ARHGAP21: variants seen among roughly 807,000 people sequenced by gnomAD.
ARHGAP21 encodes Rho GTPase activating protein 21.
In ARHGAP21, 38 loss-of-function variants were observed where a neutral mutation model predicts 164.6. The ratio of observed to expected loss-of-function variants is 0.23; its 90% CI spans 0.18 to 0.30. The LOEUF is 0.30. Ranked by LOEUF, ARHGAP21 falls within the 10% of genes least tolerant of loss-of-function variation. The pLI is 1.00. For synonymous variants in ARHGAP21, 766 were observed against 857.9 expected (o/e 0.89, Z 1.87); for missense variants, 1,822 against 2,370.7 (o/e 0.77, Z 4.81).
chr10:24,618,922 G>T lies in ARHGAP21; in HGVS notation c.2422+551C>A, dbSNP rs74122840. ...GATCTGGGGTGGGAGGGAGCAGACA[G>T]AAGACTCAACAGGACAGGTGCCGGC... On this transcript the variant is annotated intron_variant, in intron 9 of 25. Coordinates refer to ENST00000396432, the MANE Select transcript of ARHGAP21 (RefSeq NM_020824.4). 6.1e-3 allele frequency among the ~76,000 whole-genome samples: 936 copies of T among 152,286 alleles called. 11 individuals are homozygous for T. Among genetic ancestry groups the T allele is most frequent in the African/African-American group, 0.021 (872 of 41,560 alleles).
At chr10:24,613,810 C>T (rs1360674151) in intron 9 of ARHGAP21, among the ~76,000 whole-genome samples, 4 of 152,302 alleles carry the variant, frequency 2.6e-5, no homozygotes, top group East Asian at 1.9e-4. Flanking sequence ...TGCACCAGGT[C>T]AGCACAGCAA....
intron 11 of ARHGAP21, among the ~76,000 whole-genome samples, chr10:24,605,185 G>A (rs1170137327): frequency 1.3e-5 from 2 of 152,092 alleles, no homozygotes; most frequent in African/African-American, 4.8e-5. Flanking sequence ...AGTAAACAAT[G>A]GATACGGGAA....
At chr10:24,691,352 C>T (rs1842751146) in intron 2 of ARHGAP21, among the ~76,000 whole-genome samples, 1 of 152,204 alleles carries the variant, frequency 6.6e-6, no homozygotes, top group Non-Finnish European at 1.5e-5. Context: ...AGACATGGAG[C>T]AATGAGGCTG....
rs1437274486 is a variant in ARHGAP21 at position 24,597,638 on chromosome 10, G to A, written c.3198-55C>T. 4.4e-6 allele frequency: 7 copies of A among 1,598,434 alleles called. No homozygotes were observed. In the African/African-American group the frequency reaches 5.4e-5, roughly 12 times the overall value. ...TTACAGTAATCCCCCTCTATCTATGGTTTCAGTTACCCGTGGTGAGCCATG... is the reference window on the plus strand; with the variant it reads ...TTACAGTAATCCCCCTCTATCTATGATTTCAGTTACCCGTGGTGAGCCATG... On this transcript the variant is annotated intron_variant, in intron 15 of 25. Transcript: ENST00000396432.
At chr10:24,666,615 T>G (rs1215465980) in intron 4 of ARHGAP21, among the ~76,000 whole-genome samples, 3 of 152,226 alleles carry the variant, frequency 2.0e-5, no homozygotes, top group Non-Finnish European at 4.4e-5. Context: ...CTTTTCAATA[T>G]TTGACTCAAT....
Position 24,595,140 on chromosome 10 carries a change from G to A in ARHGAP21, c.3763C>T (p.Arg1255Cys). The A allele has an allele frequency of 3.1e-6, 5 of 1,610,366 alleles. No homozygotes were observed. The highest frequency in any genetic ancestry group is 4.2e-6 in the Non-Finnish European group (5 of 1,178,856). Residue 1255 changes from arginine (R) to cysteine (C), a missense_variant, in exon 20 of 26, where the codon CGT becomes TGT. By Grantham distance (180) the Arg-to-Cys change is radical (BLOSUM62 -3). Around this residue, in one of 5 missense-constraint regions of ARHGAP21, gnomAD observed 117 missense variants for 238.1 expected, o/e 0.49. Transcript: ENST00000396432. Reference protein sequence around the residue: ...EANRKEDPLDRLKTLKRLIHD... With the variant: ...EANRKEDPLDCLKTLKRLIHD... The stretch of plus-strand genomic sequence containing the variant: ...ACTAGTCTTTTTAATGTTTTCAGAC[G>A]ATCTAGAGGATCTTCTTTACGATTG...
chr10:24,585,137 G>A lies in ARHGAP21; in HGVS notation c.5152C>T (p.Leu1718=). Residue 1718 remains leucine (L), a synonymous_variant, in exon 26 of 26, where the codon CTA becomes TTA. Coordinates refer to ENST00000396432, the MANE Select transcript of ARHGAP21 (RefSeq NM_020824.4). ...TCTTTCTCATTCTTGGCATCTCCTAGACTTCCACTATCTGACTTGAATCTA... is the reference window on the plus strand; with the variant it reads ...TCTTTCTCATTCTTGGCATCTCCTAAACTTCCACTATCTGACTTGAATCTA... ...SARFKSDSGS[L]GDAKNEKEAP... is the part of the protein sequence containing the mutation. 2.5e-6 allele frequency: 4 copies of A among 1,612,786 alleles called. No homozygotes were observed. The highest frequency in any genetic ancestry group is 3.4e-6 in the Non-Finnish European group (4 of 1,179,752).
chr10:24,694,877 C>A (rs1052327034), intron 2 of ARHGAP21, among the ~76,000 whole-genome samples: 1 of 151,730 alleles, frequency 6.6e-6, no homozygotes, highest in Non-Finnish European at 1.5e-5. Flanking sequence ...ATGGTTAAAC[C>A]CTGTCTCTAC....
chr10:24,611,642 T>G (rs974270683), intron 9 of ARHGAP21, among the ~76,000 whole-genome samples: 3 of 151,150 alleles, frequency 2.0e-5, no homozygotes, highest in Non-Finnish European at 4.4e-5. Flanking sequence ...AGGTGGAGGC[T>G]GCAGTGAAGC....
intron 4 of ARHGAP21, among the ~76,000 whole-genome samples, chr10:24,645,863 A>G (rs1007371980): frequency 6.6e-6 from 1 of 152,156 alleles, no homozygotes; most frequent in Non-Finnish European, 1.5e-5. Flanking sequence ...ACTGCAATGG[A>G]GAACAATAAG....
At chr10:24,712,475 C>T (rs899445316) in intron 2 of ARHGAP21, among the ~76,000 whole-genome samples, 16 of 152,314 alleles carry the variant, frequency 1.1e-4, no homozygotes, top group Non-Finnish European at 1.8e-4. Flanking sequence ...TGCATATAAC[C>T]TAACACACCT....
intron 4 of ARHGAP21, chr10:24,648,685 CAGG>C (rs1349433906): frequency 1.8e-5 from 9 of 486,952 alleles, no homozygotes; most frequent in South Asian, 8.9e-5. Flanking sequence ...GAGGCTGAGG[CAGG>C]AGAATTGCTT....
In ARHGAP21 at chr10:24,588,907, A is replaced by C. The variant is rs560784489; in HGVS notation, c.4182+364T>G. On this transcript the variant is annotated intron_variant, in intron 25 of 25. Transcript: ENST00000396432. ...AGAGGGAGGGAAGCAGGTGGCGTAC[A>C]GAGCAAACGGAGTCGGCCGAGTGCT... Among the ~76,000 whole-genome samples, 9 of 152,358 alleles carry C rather than the reference A, an allele frequency of 5.9e-5. No individual in the cohort carries two copies. In the East Asian group the frequency reaches 1.7e-3, roughly 29 times the overall value.
At chr10:24,676,922 G>A (rs1479385501) in intron 2 of ARHGAP21, among the ~76,000 whole-genome samples, 1 of 152,040 alleles carries the variant, frequency 6.6e-6, no homozygotes, top group Non-Finnish European at 1.5e-5. Flanking sequence ...ATTAACTCCG[G>A]GCCAGGCACA....
Position 24,585,927 on chromosome 10 carries a change from A to G in ARHGAP21, c.4362T>C (p.Thr1454=), listed in dbSNP as rs1399729189. 2.5e-6 allele frequency: 4 copies of G among 1,613,836 alleles called. No homozygotes were observed. Among genetic ancestry groups the G allele is most frequent in the Non-Finnish European group, 3.4e-6 (4 of 1,179,976 alleles). Residue 1454 remains threonine, a synonymous_variant, in exon 26 of 26, where the codon ACT becomes ACC. Coordinates refer to ENST00000396432, the MANE Select transcript of ARHGAP21 (RefSeq NM_020824.4). ...KENVEQCHND[T]KEESKKESET... Reference sequence around the variant, plus strand: ...CACTTTCTTTTTTGGACTCCTCTTTAGTATCATTGTGACACTGTTCCACAT... The same window carrying G: ...CACTTTCTTTTTTGGACTCCTCTTTGGTATCATTGTGACACTGTTCCACAT...
At position 24,612,856 on chromosome 10, in the gene ARHGAP21, A is replaced by AAAATAAAT. The variant is rs71506841; in HGVS notation, c.2423-4961_2423-4954dup. ...GGCAACAGAGCAAGACTCTGTTTCAAAAATAAATAAATAAATAAATAAATA... is the reference window on the plus strand; with the variant it reads ...GGCAACAGAGCAAGACTCTGTTTCAAAAATAAATAAATAAATAAATAAATAAATAAATA... On this transcript the variant is annotated intron_variant, in intron 9 of 25. Coordinates refer to ENST00000396432, the MANE Select transcript of ARHGAP21 (RefSeq NM_020824.4). 8.6e-3 allele frequency among the ~76,000 whole-genome samples: 1,285 copies of AAAATAAAT among 150,170 alleles called. 11 individuals carry two copies. The highest frequency in any genetic ancestry group is 0.022 in the African/African-American group (901 of 40,588).
rs540920773 is a variant in ARHGAP21, at chr10:24,693,125, C to T, written c.64-22728G>A. Among the ~76,000 whole-genome samples the T allele has an allele frequency of 5.3e-5, 8 of 152,268 alleles. No individual in the cohort carries two copies. In the South Asian group the frequency reaches 6.2e-4, roughly 12 times the overall value. On this transcript the variant is annotated intron_variant, in intron 2 of 25. Coordinates refer to ENST00000396432, the MANE Select transcript of ARHGAP21 (RefSeq NM_020824.4). ...AAAGGCATAACAGAGGCTTCTGAGG[C>T]GCTGTTCATGTTCTATGTCTGGGTG...
intron 9 of ARHGAP21, among the ~76,000 whole-genome samples, chr10:24,618,549 A>G (rs1834213748): frequency 6.6e-6 from 1 of 152,214 alleles, no homozygotes; most frequent in Non-Finnish European, 1.5e-5. Context: ...CCCAAATGTC[A>G]TGAGGAAGAC....
At chr10:24,668,495 C>T (rs1197645083) in intron 3 of ARHGAP21, among the ~76,000 whole-genome samples, 1 of 152,212 alleles carries the variant, frequency 6.6e-6, no homozygotes, top group Non-Finnish European at 1.5e-5. Context: ...TTAGGCCCCA[C>T]CTCATGCCCT....
Sources: gnomAD v4.1 joint callset for allele counts (sites outside exome capture counted in the v4.1 genomes callset) on GRCh38, gnomAD v4.1.1 for gene constraint, gnomAD v4.1.1 regional missense constraint, MANE v1.5 for transcripts, NCBI Gene and HGNC (gene_info 2026-07-23, HGNC 2026-07-21) for gene names.